The following CDH13 variants were observed in gnomAD, a reference collection of about 807,000 sequenced individuals.
The protein encoded by CDH13 is cadherin-13.
A neutral mutation model predicts 63.8 loss-of-function variants in CDH13; 24 were observed. The ratio of observed to expected loss-of-function variants is 0.38; its 90% confidence interval spans 0.27 to 0.53. The LOEUF is 0.53. CDH13 is among the 20% of genes least tolerant of loss of function. CDH13 has a pLI of 0.85. For synonymous variants in CDH13, 503 were observed against 355.3 expected (o/e 1.42, Z -4.67); for missense variants, 1,049 against 903.1 (o/e 1.16, Z -2.07).
At chr16:82,800,214 T>C (rs1274969390) in intron 1 of CDH13, among the ~76,000 whole-genome samples, 1 of 152,206 alleles carries the variant, frequency 6.6e-6, no homozygotes, top group African/African-American at 2.4e-5. Context: ...GGCCATATTT[T>C]GAGATTATGA....
intron 7 of CDH13, among the ~76,000 whole-genome samples, chr16:83,489,131 C>A (rs540258065): frequency 3.3e-4 from 50 of 152,166 alleles, no homozygotes; most frequent in Non-Finnish European, 6.2e-4. Flanking sequence ...GTTTCAGCTT[C>A]TCTTTGTTCT....
In CDH13 at chr16:83,162,562, A is replaced by C. The variant is rs79707642; in HGVS notation, c.483+37061A>C. On this transcript the variant is annotated intron_variant, in intron 4 of 13. Transcript: ENST00000567109. ...AAGGTTGAACAAAGCAAGGTGTTGA[A>C]AGAGCACCCTGAGTCTGACAGTCAG... 8.1e-3 allele frequency among the ~76,000 whole-genome samples: 1,218 copies of C among 150,832 alleles called. 22 individuals are homozygous for C. Among genetic ancestry groups the C allele is most frequent in the African/African-American group, 0.028 (1,171 of 41,446 alleles).
At chr16:83,170,623 A>G (rs1276417630) in intron 4 of CDH13, among the ~76,000 whole-genome samples, 1 of 152,148 alleles carries the variant, frequency 6.6e-6, no homozygotes, top group Non-Finnish European at 1.5e-5. Context: ...TTAGTGAGGA[A>G]CAAGAGATTT....
chr16:83,323,848 C>T (rs894010779), intron 5 of CDH13, among the ~76,000 whole-genome samples: 6 of 152,054 alleles, frequency 3.9e-5, no homozygotes, highest in South Asian at 2.1e-4. Flanking sequence ...GAAGGATCTT[C>T]GAAAATTCAA....
chr16:83,392,515 C>G (rs1211857562), intron 6 of CDH13, among the ~76,000 whole-genome samples: 1 of 152,110 alleles, frequency 6.6e-6, no homozygotes, highest in African/African-American at 2.4e-5. Flanking sequence ...TGATAGAGTT[C>G]CAAAACTGTT....
chr16:83,027,102 A>C (rs113711731), intron 2 of CDH13, among the ~76,000 whole-genome samples: 8,722 of 100,484 alleles, frequency 0.087, 333 homozygotes, highest in Non-Finnish European at 0.097. Context: ...CAGAAGGGAG[A>C]CCCCCCCCCC....
chr16:83,294,558 T>G (rs1423506598), intron 5 of CDH13, among the ~76,000 whole-genome samples: 1 of 151,886 alleles, frequency 6.6e-6, no homozygotes, highest in Non-Finnish European at 1.5e-5. Flanking sequence ...TTGTCACTAA[T>G]GATAAGATTT....
intron 5 of CDH13, among the ~76,000 whole-genome samples, chr16:83,252,132 A>ATG (rs1555519951): frequency 1.0e-4 from 11 of 106,074 alleles, no homozygotes; most frequent in East Asian, 3.3e-4. Context: ...ACACACACAT[A>ATG]TATATGTATA....
chr16:83,443,571 C>A (rs1180233758), intron 6 of CDH13, among the ~76,000 whole-genome samples: 1 of 151,632 alleles, frequency 6.6e-6, no homozygotes, highest in Non-Finnish European at 1.5e-5. Flanking sequence ...CTCTAGTCTT[C>A]CTAAAGGAAT....
chr16:83,026,520 T>A (rs1463601232), intron 2 of CDH13, among the ~76,000 whole-genome samples: 1 of 152,194 alleles, frequency 6.6e-6, no homozygotes, highest in Non-Finnish European at 1.5e-5. Flanking sequence ...CACTTACAAA[T>A]GTAAAGTATA....
intron 4 of CDH13, among the ~76,000 whole-genome samples, chr16:83,197,706 T>C (rs2151762248): frequency 6.6e-6 from 1 of 152,130 alleles, no homozygotes; most frequent in Admixed American, 6.5e-5. Context: ...TGTATCTCAA[T>C]GGTGGTGATG....
At chr16:82,705,303 G>C in intron 1 of CDH13, 1 of 366,996 alleles carries the variant, frequency 2.7e-6, no homozygotes, top group Non-Finnish European at 5.3e-6. Flanking sequence ...TCTTACTTAA[G>C]ATCTGATTTC....
intron 6 of CDH13, among the ~76,000 whole-genome samples, chr16:83,385,736 G>A (rs1213706783): frequency 6.6e-6 from 1 of 152,120 alleles, no homozygotes; most frequent in Non-Finnish European, 1.5e-5. Flanking sequence ...TACAGGAGAG[G>A]CTGGAGAATA....
intron 2 of CDH13, among the ~76,000 whole-genome samples, chr16:83,004,557 T>A (rs778386344): frequency 6.6e-6 from 1 of 151,986 alleles, no homozygotes; most frequent in African/African-American, 2.4e-5. Context: ...CAGGCTGGAG[T>A]GTATTGGTGT....
chr16:82,702,431 A>G (rs1364532208), intron 1 of CDH13, among the ~76,000 whole-genome samples: 2 of 152,190 alleles, frequency 1.3e-5, no homozygotes, highest in Non-Finnish European at 2.9e-5. Flanking sequence ...TGTTCGTCTC[A>G]GTGCTCCCCA....
chr16:83,001,703 C>G (rs900841323), intron 2 of CDH13, among the ~76,000 whole-genome samples: 1 of 152,184 alleles, frequency 6.6e-6, no homozygotes, highest in Non-Finnish European at 1.5e-5. Flanking sequence ...ACCATTTACA[C>G]CTACGGATGA....
intron 6 of CDH13, among the ~76,000 whole-genome samples, chr16:83,394,871 G>C (rs938398103): frequency 6.6e-6 from 1 of 152,118 alleles, no homozygotes; most frequent in Non-Finnish European, 1.5e-5. Context: ...GGAAGGGCCA[G>C]GCACAGTGGC....
intron 6 of CDH13, among the ~76,000 whole-genome samples, chr16:83,410,338 T>C (rs1306136534): frequency 6.6e-6 from 1 of 152,248 alleles, no homozygotes; most frequent in Non-Finnish European, 1.5e-5. Context: ...TTTTTTACTT[T>C]ATAACCTTTT....
chr16:83,545,353 T>C (rs1460255664), intron 7 of CDH13, among the ~76,000 whole-genome samples: 3 of 152,234 alleles, frequency 2.0e-5, no homozygotes, highest in African/African-American at 4.8e-5. Context: ...TTACAAATTA[T>C]GTTCCTCTCT....
Sources: gnomAD v4.1 joint callset for allele counts (sites outside exome capture counted in the v4.1 genomes callset) on GRCh38, gnomAD v4.1.1 for gene constraint, MANE v1.5 for transcripts, NCBI Gene and HGNC (gene_info 2026-07-23, HGNC 2026-07-21) for gene names.